ARL15: variants seen among roughly 807,000 people sequenced by gnomAD.
ARL15 encodes ADP-ribosylation factor-like protein 15.
ARL15 carries 19 observed loss-of-function variants against 25.2 expected under a neutral mutation model. The observed-to-expected ratio is 0.75, with a 90% CI of 0.53 to 1.10. The LOEUF (loss-of-function observed/expected upper bound fraction) is 1.10. ARL15 is among the 50% of genes least tolerant of loss of function. The probability of loss-of-function intolerance (pLI) is 0.00; values close to 1 mark genes in which losing one functional copy is unlikely to be tolerated. For missense variants in ARL15, 220 were observed against 246.0 expected (o/e 0.89, Z 0.71); for synonymous variants, 94 against 86.8 (o/e 1.08, Z -0.46).
intron 4 of ARL15, among the ~76,000 whole-genome samples, chr5:54,042,940 A>G (rs145261806): frequency 1.8e-4 from 28 of 152,280 alleles, no homozygotes; most frequent in Middle Eastern, 3.4e-3. Flanking sequence ...AAATAAACCT[A>G]TATATAGGTT....
chr5:54,108,306 T>C (rs528130441), intron 4 of ARL15, among the ~76,000 whole-genome samples: 1 of 152,246 alleles, frequency 6.6e-6, no homozygotes. Flanking sequence ...AAAAACAGTT[T>C]GTATCTCTCA....
intron 4 of ARL15, among the ~76,000 whole-genome samples, chr5:54,082,127 C>G (rs553924778): frequency 9.3e-5 from 8 of 86,164 alleles, no homozygotes; most frequent in Admixed American, 3.3e-4. Flanking sequence ...GAGACAAATA[C>G]AAATCCCCCT....
At chr5:54,005,039 A>G (rs1748979019) in intron 4 of ARL15, among the ~76,000 whole-genome samples, 1 of 150,354 alleles carries the variant, frequency 6.7e-6, no homozygotes, top group Admixed American at 6.7e-5. Context: ...TTAAATAGGG[A>G]GGAGTTCTCA....
chr5:54,309,014 TA>T (rs910806652), intron 1 of ARL15, among the ~76,000 whole-genome samples: 7 of 152,238 alleles, frequency 4.6e-5, no homozygotes, highest in Admixed American at 1.3e-4. Context: ...AATTACAAAT[TA>T]AATCAGTTAT....
At chr5:54,304,847 C>CT (rs368137783) in intron 1 of ARL15, among the ~76,000 whole-genome samples, 7,579 of 149,066 alleles carry the variant, frequency 0.051, 258 homozygotes, top group Non-Finnish European at 0.073. Flanking sequence ...AAACAATGTA[C>CT]TTTTTTTTTT....
intron 2 of ARL15, among the ~76,000 whole-genome samples, chr5:54,164,479 T>C (rs1044771161): frequency 6.6e-6 from 1 of 152,076 alleles, no homozygotes; most frequent in Non-Finnish European, 1.5e-5. Flanking sequence ...CTGATTGTAA[T>C]TGTGGGTTTG....
chr5:53,908,272 C>A (rs1429292649), intron 4 of ARL15, among the ~76,000 whole-genome samples: 1 of 152,008 alleles, frequency 6.6e-6, no homozygotes, highest in Non-Finnish European at 1.5e-5. Flanking sequence ...CTATAGCAGG[C>A]CTTCTGTATC....
At chr5:53,962,176 T>G (rs1667138943) in intron 4 of ARL15, among the ~76,000 whole-genome samples, 1 of 152,166 alleles carries the variant, frequency 6.6e-6, no homozygotes, top group African/African-American at 2.4e-5. Flanking sequence ...CTAACATCCT[T>G]GGACAATTTG....
At chr5:54,042,576 T>C (rs1750374773) in intron 4 of ARL15, among the ~76,000 whole-genome samples, 2 of 152,222 alleles carry the variant, frequency 1.3e-5, no homozygotes, top group African/African-American at 4.8e-5. Flanking sequence ...GAGCATCTGA[T>C]TGACAGGTCT....
At chr5:54,264,614 C>T (rs1757577077) in intron 1 of ARL15, among the ~76,000 whole-genome samples, 4 of 152,148 alleles carry the variant, frequency 2.6e-5, no homozygotes, top group Admixed American at 2.6e-4. Context: ...ACTCACCCTA[C>T]TCTTTCTGCT....
At chr5:54,065,180 A>T (rs6867302) in intron 4 of ARL15, among the ~76,000 whole-genome samples, 43,176 of 152,170 alleles carry the variant, frequency 0.28, 8,240 homozygotes, top group African/African-American at 0.55. Context: ...TCTGCTATTA[A>T]AAAAGAGAAG....
intron 1 of ARL15, among the ~76,000 whole-genome samples, chr5:54,225,954 A>G (rs1481267612): frequency 6.6e-6 from 1 of 152,178 alleles, no homozygotes; most frequent in Non-Finnish European, 1.5e-5. Flanking sequence ...TCGAAAACTA[A>G]AAAGACTTTC....
intron 3 of ARL15, among the ~76,000 whole-genome samples, chr5:54,140,545 G>A (rs530843844): frequency 2.1e-3 from 318 of 152,118 alleles, no homozygotes; most frequent in African/African-American, 7.4e-3. Context: ...CATGATAGTG[G>A]TGGCTCCCAC....
chr5:54,278,879 T>G (rs1579977050), intron 1 of ARL15, among the ~76,000 whole-genome samples: 1 of 152,214 alleles, frequency 6.6e-6, no homozygotes, highest in African/African-American at 2.4e-5. Flanking sequence ...TTATTAAACC[T>G]TTTAATGGAG....
chr5:54,237,584 G>C (rs1311946760), intron 1 of ARL15, among the ~76,000 whole-genome samples: 1 of 152,136 alleles, frequency 6.6e-6, no homozygotes, highest in Admixed American at 6.5e-5. Flanking sequence ...AATTAGTATT[G>C]TCTATTTAAA....
chr5:54,255,664 G>T (rs1415534445), intron 1 of ARL15, among the ~76,000 whole-genome samples: 1 of 152,104 alleles, frequency 6.6e-6, no homozygotes, highest in East Asian at 1.9e-4. Flanking sequence ...CACATATGGA[G>T]AATTCCAAAG....
chr5:54,168,677 C>G (rs1754642943), intron 2 of ARL15, among the ~76,000 whole-genome samples: 1 of 151,974 alleles, frequency 6.6e-6, no homozygotes. Flanking sequence ...CTGAATATAC[C>G]TATGCTTTCT....
At chr5:54,008,282 T>A (rs1191123974) in intron 4 of ARL15, among the ~76,000 whole-genome samples, 1 of 152,146 alleles carries the variant, frequency 6.6e-6, no homozygotes, top group Non-Finnish European at 1.5e-5. Context: ...TTAATAAATA[T>A]CAGGCAGACT....
chr5:54,108,719 C>A (rs1752654625), intron 4 of ARL15, among the ~76,000 whole-genome samples: 2 of 151,788 alleles, frequency 1.3e-5, no homozygotes, highest in South Asian at 4.2e-4. Context: ...ACACAGATTG[C>A]CCAAGAATTT....
Sources: allele counts gnomAD v4.1 joint callset (sites outside exome capture counted in the v4.1 genomes callset), GRCh38; gene constraint gnomAD v4.1.1; transcripts MANE v1.5; gene names NCBI Gene and HGNC (gene_info 2026-07-23, HGNC 2026-07-21).